Variants in TENM1 observed in about 807,000 individuals in gnomAD.
The protein encoded by TENM1 is teneurin-1.
TENM1 carries 35 observed loss-of-function variants against 174.8 expected under a neutral mutation model. That is an observed-to-expected ratio of 0.20 (90% CI 0.15 to 0.27). The LOEUF (loss-of-function observed/expected upper bound fraction) is 0.27, where lower values mean the gene tolerates loss of function less well. Ranked by LOEUF, TENM1 falls within the 10% of genes least tolerant of loss-of-function variation. The pLI is 1.00. For synonymous variants in TENM1, 781 were observed against 798.7 expected, an observed-to-expected ratio of 0.98 and a Z score of 0.37; for missense variants, 1,633 against 2,130.1, an observed-to-expected ratio of 0.77 and a Z score of 4.59.
At chrX:125,065,822 C>A in the TENM1 span, among the ~76,000 whole-genome samples, 1 of 111,724 alleles carries the variant, frequency 9.0e-6, no homozygotes, top group Admixed American at 9.6e-5. Flanking sequence ...TGACTGTAAG[C>A]ACAATGAGCT....
intron 4 of TENM1, among the ~76,000 whole-genome samples, chrX:124,716,898 C>T (rs958013339): frequency 9.0e-6 from 1 of 111,172 alleles, no homozygotes; most frequent in African/African-American, 3.3e-5. Flanking sequence ...ATGGGAGAGA[C>T]GAGCCTATAA....
chrX:125,160,479 A>C, the TENM1 span, among the ~76,000 whole-genome samples: 1 of 88,418 alleles, frequency 1.1e-5, no homozygotes, highest in Non-Finnish European at 2.1e-5. Context: ...CGGTAGGCGG[A>C]GGTTGCAGTG....
At chrX:125,162,392 A>G in the TENM1 span, among the ~76,000 whole-genome samples, 3 of 112,331 alleles carry the variant, frequency 2.7e-5, no homozygotes, top group South Asian at 7.4e-4. Context: ...TCACTGCAAT[A>G]TGATATGTGC....
In TENM1 at chrX:124,471,355, A is replaced by ATATATT. The variant is rs1241752021; in HGVS notation, c.3949+10376_3949+10377insAATATA. Among the ~76,000 whole-genome samples the ATATATT allele has an allele frequency of 7.1e-4, 27 of 38,274 alleles. 2 individuals carry two copies. Among genetic ancestry groups the ATATATT allele is most frequent in the Non-Finnish European group, 9.1e-4 (22 of 24,240 alleles). 33.2% of individuals were successfully genotyped at this position (38,274 alleles called of 115,157 possible). On this transcript the variant is annotated intron_variant, in intron 22 of 31. Transcript: ENST00000422452. Reference sequence around the variant, plus strand: ...TAGTACTATATATAATATATATTATAATATATAGTACTATATATTATAATA... The same window carrying ATATATT: ...TAGTACTATATATAATATATATTATATATATTATATATAGTACTATATATTATAATA...
intron 14 of TENM1, among the ~76,000 whole-genome samples, chrX:124,549,247 G>C (rs1435478037): frequency 8.9e-6 from 1 of 112,212 alleles, no homozygotes; most frequent in African/African-American, 3.2e-5. Context: ...ATATCAGGCT[G>C]ATTAAGAGAG....
At chrX:124,632,803 T>C (rs1018123511) in intron 11 of TENM1, among the ~76,000 whole-genome samples, 5 of 112,144 alleles carry the variant, frequency 4.5e-5, no homozygotes, top group Non-Finnish European at 7.5e-5. Context: ...TTCAGCTTAT[T>C]TGGGGTAAGC....
chrX:124,400,894 A>G lies in TENM1; in HGVS notation c.5391+4137T>C, dbSNP rs180680928. Among the ~76,000 whole-genome samples the G allele has an allele frequency of 2.2e-3, 245 of 112,533 alleles. 1 individual carries two copies. The highest frequency in any genetic ancestry group is 4.1e-3 in the Non-Finnish European group (221 of 53,284). On this transcript the variant is annotated intron_variant, in intron 27 of 31. Coordinates refer to ENST00000422452, the Ensembl canonical transcript of TENM1. Reference sequence around the variant, plus strand: ...CAGCAGATAAGCAGATACATGGACTAGATGCAAAAGTGCCTTGCAAGGAAG... The same window carrying G: ...CAGCAGATAAGCAGATACATGGACTGGATGCAAAAGTGCCTTGCAAGGAAG...
chrX:125,143,064 C>T, the TENM1 span, among the ~76,000 whole-genome samples: 2 of 111,820 alleles, frequency 1.8e-5, no homozygotes, highest in African/African-American at 6.5e-5. Context: ...TTGATAATCT[C>T]ATAAAAAGGT....
the TENM1 span, among the ~76,000 whole-genome samples, chrX:124,988,808 A>G: frequency 8.9e-6 from 1 of 111,797 alleles, no homozygotes; most frequent in East Asian, 2.8e-4. Flanking sequence ...TTATATGATC[A>G]CCTCAATAAG....
chrX:124,672,915 T>C (rs968713898), intron 5 of TENM1, among the ~76,000 whole-genome samples: 3 of 112,137 alleles, frequency 2.7e-5, no homozygotes, highest in Non-Finnish European at 5.6e-5. Context: ...GAAGAATATA[T>C]AGCAACATGT....
chrX:124,784,191 T>C (rs1353529209), intron 3 of TENM1, among the ~76,000 whole-genome samples: 3 of 111,879 alleles, frequency 2.7e-5, no homozygotes, highest in African/African-American at 9.7e-5. Flanking sequence ...CAGAAAAATG[T>C]GACTCATTCT....
chrX:125,146,707 A>AC, the TENM1 span, among the ~76,000 whole-genome samples: 1 of 111,231 alleles, frequency 9.0e-6, no homozygotes, highest in South Asian at 3.8e-4. Context: ...GTATAAGAAA[A>AC]ATTAAAGGGT....
At chrX:124,667,409 G>C (rs1429532748) in intron 6 of TENM1, among the ~76,000 whole-genome samples, 2 of 109,797 alleles carry the variant, frequency 1.8e-5, no homozygotes, top group Non-Finnish European at 3.8e-5. Context: ...GGCCAACATG[G>C]TGAAACCCCA....
the TENM1 span, among the ~76,000 whole-genome samples, chrX:125,155,554 A>G: frequency 9.4e-6 from 1 of 105,833 alleles, no homozygotes. Flanking sequence ...GCTGCACAGG[A>G]GCCCACGGAG....
chrX:124,685,721 G>A (rs780326584), intron 5 of TENM1, among the ~76,000 whole-genome samples: 125 of 110,285 alleles, frequency 1.1e-3, no homozygotes, highest in African/African-American at 3.6e-3. Flanking sequence ...CACCATGCCC[G>A]GCTAATTTTG....
chrX:124,710,230 A>G (rs1212708259), intron 4 of TENM1, among the ~76,000 whole-genome samples: 1 of 110,184 alleles, frequency 9.1e-6, no homozygotes, highest in Non-Finnish European at 1.9e-5. Context: ...CTACCTCCCC[A>G]CTCCTGCCCT....
At chrX:124,586,396 G>T (rs541932242) in intron 11 of TENM1, among the ~76,000 whole-genome samples, 24,199 of 104,561 alleles carry the variant, frequency 0.23, 2,881 homozygotes, top group African/African-American at 0.36. Context: ...CGCAAATCAA[G>T]AAATGTAATC....
intron 3 of TENM1, among the ~76,000 whole-genome samples, chrX:124,836,411 T>G (rs1304094290): frequency 8.9e-6 from 1 of 111,865 alleles, no homozygotes; most frequent in African/African-American, 3.2e-5. Context: ...TAAGTACTCT[T>G]TACCAGTCTG....
chrX:124,780,319 G>C (rs1015760951), intron 3 of TENM1, among the ~76,000 whole-genome samples: 1 of 112,232 alleles, frequency 8.9e-6, no homozygotes, highest in Non-Finnish European at 1.9e-5. Flanking sequence ...ATGGTTGTTA[G>C]CTTTTAAGAA....
Sources: gnomAD v4.1 joint callset for allele counts (sites outside exome capture counted in the v4.1 genomes callset) on GRCh38, gnomAD v4.1.1 for gene constraint, MANE v1.5 for transcripts, NCBI Gene and HGNC (gene_info 2026-07-23, HGNC 2026-07-21) for gene names.